The following SLC14A2 variants were observed in gnomAD, a reference collection of about 807,000 sequenced individuals.
SLC14A2 encodes urea transporter 2.
In SLC14A2, 91 loss-of-function variants were observed where a neutral mutation model predicts 104.6. The observed-to-expected ratio is 0.87, with a 90% confidence interval of 0.73 to 1.04. SLC14A2 has a LOEUF of 1.04. Among genes scored for constraint, SLC14A2 ranks in the 50% least tolerant of loss-of-function variants. The pLI is 0.00. For missense variants in SLC14A2, 1,189 were observed against 1,156.0 expected (o/e 1.03, Z -0.41); for synonymous variants, 476 against 466.4 (o/e 1.02, Z -0.27).
At chr18:45,170,646 A>G in the SLC14A2 span, among the ~76,000 whole-genome samples, 1 of 152,184 alleles carries the variant, frequency 6.6e-6, no homozygotes. Context: ...AGAACTTTTC[A>G]ATTCACTAGA....
intron 2 of SLC14A2, among the ~76,000 whole-genome samples, chr18:45,554,268 A>G (rs1291588181): frequency 1.3e-5 from 2 of 152,210 alleles, no homozygotes; most frequent in African/African-American, 4.8e-5. Flanking sequence ...CAGGTAGGCC[A>G]TATTTCAAAA....
rs1164523608 is a variant in SLC14A2 at position 45,682,211 on chromosome 18, C to T, written c.2563-108C>T. The T allele has an allele frequency of 6.4e-6, 6 of 942,164 alleles. No homozygotes were observed. In the East Asian group the frequency reaches 9.6e-5, roughly 15 times the overall value. The allele number at this position is 942,164 out of a possible 1,614,324, so 58.4% of individuals were successfully genotyped here. A position where few individuals can be genotyped will look rare whatever the true frequency, so the allele number is the denominator to read the frequency against. On this transcript the variant is annotated intron_variant, in intron 19 of 19. Transcript: ENST00000255226. ...TGGTCATCAATGAAGTATCAATGCC[C>T]TCAAAGCAGTCCCTCATGTCCCCAG... is the stretch of plus-strand genomic sequence containing the variant.
In SLC14A2 at chr18:45,673,692, T is replaced by C. The variant is rs770427445; in HGVS notation, c.2387T>C (p.Ile796Thr). 1 of 1,614,056 alleles carries C rather than the reference T, an allele frequency of 6.2e-7. No homozygotes were observed. Among genetic ancestry groups the C allele is most frequent in the Non-Finnish European group, 8.5e-7 (1 of 1,179,940 alleles). The change falls in exon 18 of 20, where the codon ATT (isoleucine) becomes ACT (threonine). Residue 796 changes from isoleucine to threonine, a missense_variant. By Grantham distance (89) the Ile-to-Thr change is moderately conservative (BLOSUM62 -1). Transcript: ENST00000255226. ...CTGCCTTCTGTCACAGCACTCACTA[T>C]TGCGACGCCCTTTGACTCCATCTAC... ...STMGMLAALT[I>T]ATPFDSIYFG...
the SLC14A2 span, among the ~76,000 whole-genome samples, chr18:45,198,965 A>G: frequency 6.6e-6 from 1 of 152,036 alleles, no homozygotes; most frequent in Non-Finnish European, 1.5e-5. Context: ...CTTCTTCTGG[A>G]TTTAATTTTT....
intron 2 of SLC14A2, among the ~76,000 whole-genome samples, chr18:45,516,337 T>C (rs931699286): frequency 4.6e-5 from 7 of 152,174 alleles, no homozygotes; most frequent in African/African-American, 1.7e-4. Flanking sequence ...AGGTAACAGT[T>C]TGAAGACCTT....
At chr18:45,269,841 G>A (rs2084632265) in intron 1 of SLC14A2, among the ~76,000 whole-genome samples, 1 of 152,176 alleles carries the variant, frequency 6.6e-6, no homozygotes, top group Non-Finnish European at 1.5e-5. Context: ...CAAGGCAGTT[G>A]CATAGATCAT....
chr18:45,453,557 C>T (rs1409929803), intron 1 of SLC14A2, among the ~76,000 whole-genome samples: 1 of 152,148 alleles, frequency 6.6e-6, no homozygotes, highest in Non-Finnish European at 1.5e-5. Flanking sequence ...ACAATCCTGT[C>T]TTTAACATTT....
the SLC14A2 span, chr18:45,168,971 T>G: frequency 6.6e-6 from 1 of 152,204 alleles, no homozygotes; most frequent in Admixed American, 6.5e-5. Context: ...ACAGGGGTCA[T>G]GCCTGTTTCA....
intron 1 of SLC14A2, among the ~76,000 whole-genome samples, chr18:45,471,553 A>G (rs1296276393): frequency 6.6e-6 from 1 of 151,996 alleles, no homozygotes; most frequent in African/African-American, 2.4e-5. Context: ...GCATAGATCT[A>G]TTGTATCTAT....
Position 45,657,325 on chromosome 18 carries a change from CA to C in SLC14A2, c.1352-6448del, listed in dbSNP as rs376881497. On this transcript the variant is annotated intron_variant, in intron 10 of 19. Coordinates refer to ENST00000255226, the MANE Select transcript of SLC14A2 (RefSeq NM_007163.4). ...CATCTCTACTAAAAATACAAAAATA[CA>C]AAAAAAAAAAATTAGCTAGGAGTGG... Among the ~76,000 whole-genome samples, 1,313 of 141,628 alleles carry C rather than the reference CA, an allele frequency of 9.3e-3. 23 individuals carry two copies. The highest frequency in any genetic ancestry group is 0.027 in the African/African-American group (1,052 of 39,168). The allele number at this position is 141,628 out of a possible 152,430, so 92.9% of individuals were successfully genotyped here.
At chr18:45,338,255 C>T (rs1296576802) in intron 1 of SLC14A2, among the ~76,000 whole-genome samples, 1 of 152,032 alleles carries the variant, frequency 6.6e-6, no homozygotes, top group Non-Finnish European at 1.5e-5. Flanking sequence ...GGCTGGAGTG[C>T]AGTGTCGTGA....
intron 2 of SLC14A2, among the ~76,000 whole-genome samples, chr18:45,548,903 G>T (rs1339184941): frequency 6.6e-6 from 1 of 152,128 alleles, no homozygotes; most frequent in Admixed American, 6.5e-5. Context: ...AGGACTGTGG[G>T]GACAGGACTG....
intron 1 of SLC14A2, chr18:45,483,067 G>A (rs183555477): frequency 6.6e-6 from 1 of 152,186 alleles, no homozygotes; most frequent in African/African-American, 2.4e-5. Flanking sequence ...TCTAGATGGT[G>A]GAATAACAGA....
intron 2 of SLC14A2, among the ~76,000 whole-genome samples, chr18:45,582,100 T>C (rs1190166758): frequency 1.3e-5 from 2 of 152,190 alleles, no homozygotes; most frequent in African/African-American, 4.8e-5. Context: ...TAAATGAACA[T>C]GCATGACATC....
intron 2 of SLC14A2, among the ~76,000 whole-genome samples, chr18:45,586,998 T>C (rs1221393640): frequency 1.3e-5 from 2 of 152,106 alleles, no homozygotes; most frequent in East Asian, 1.9e-4. Flanking sequence ...TTTTAAATTA[T>C]TTTTTTTGAG....
chr18:45,535,171 C>T (rs910817943), intron 2 of SLC14A2, among the ~76,000 whole-genome samples: 4 of 152,252 alleles, frequency 2.6e-5, no homozygotes, highest in South Asian at 2.1e-4. Flanking sequence ...TAGTCAGTCG[C>T]GTCTGGTGAG....
intron 1 of SLC14A2, among the ~76,000 whole-genome samples, chr18:45,290,049 C>T (rs756920394): frequency 6.6e-6 from 1 of 152,212 alleles, no homozygotes; most frequent in Non-Finnish European, 1.5e-5. Context: ...TCTTCCCTCT[C>T]TCATTGGCCT....
chr18:45,323,893 G>A (rs2085208961), intron 1 of SLC14A2, among the ~76,000 whole-genome samples: 1 of 152,054 alleles, frequency 6.6e-6, no homozygotes, highest in Admixed American at 6.5e-5. Context: ...TTTTTCTTTG[G>A]GTTTTCATCA....
At chr18:45,343,024 G>C (rs943298381) in intron 1 of SLC14A2, among the ~76,000 whole-genome samples, 4 of 152,062 alleles carry the variant, frequency 2.6e-5, no homozygotes, top group African/African-American at 9.7e-5. Flanking sequence ...ACCCTGATGA[G>C]TTGCCAAGAC....
Sources: gnomAD v4.1 joint callset for allele counts (sites outside exome capture counted in the v4.1 genomes callset) on GRCh38, gnomAD v4.1.1 for gene constraint, MANE v1.5 for transcripts, NCBI Gene and HGNC (gene_info 2026-07-23, HGNC 2026-07-21) for gene names.